The following ATPAF2 variants were observed in gnomAD, a reference collection of about 807,000 sequenced individuals.
The protein encoded by ATPAF2 is ATP synthase mitochondrial F1 complex assembly factor 2.
Under a neutral mutation model 36.6 loss-of-function variants are expected in ATPAF2, and 30 were observed. The ratio of observed to expected loss-of-function variants is 0.82; its 90% CI spans 0.61 to 1.11. The LOEUF is 1.11. Among genes scored for constraint, ATPAF2 ranks in the 50% most tolerant of loss-of-function variants. ATPAF2 has a pLI of 0.00. For synonymous variants in ATPAF2, 140 were observed against 152.6 expected (o/e 0.92, Z 0.61); for missense variants, 321 against 372.3 (o/e 0.86, Z 1.13).
chr17:18,028,570 C>CAAAAAAAAAAAAA, intron 2 of ATPAF2, 45 bp downstream of exon 2: 8 of 1,350,116 alleles, frequency 5.9e-6, no homozygotes, highest in Admixed American at 4.4e-5. Context: ...CAACCATTCA[C>CAAAAAAAAAAAAA]AAAAAAAAAA....
At chr17:18,021,401 G>T (rs1481041123) in intron 6 of ATPAF2, 163 bp from the exon 7 acceptor site, 1 of 705,212 alleles carries the variant, frequency 1.4e-6, no homozygotes, top group East Asian at 2.7e-5. Context: ...TTCCCTGGGG[G>T]TGATCCTCCT....
chr17:18,030,320 C>CAAAAA (rs1162130285), intron 1 of ATPAF2, among the ~76,000 whole-genome samples: 17 of 64,082 alleles, frequency 2.7e-4, no homozygotes, highest in Middle Eastern at 0.012. Flanking sequence ...GACTCCATCT[C>CAAAAA]AAAAAAAAAA....
At chr17:18,016,690 A>C (rs2044377648), downstream of ATPAF2, 1 of 1,537,778 alleles carries the variant, frequency 6.5e-7, no homozygotes, top group African/African-American at 1.4e-5. Flanking sequence ...CAGCCACAGG[A>C]GCTTCTTCAA....
chr17:18,021,654 C>T, intron 6 of ATPAF2, 91 bp downstream of exon 6: 1 of 1,143,454 alleles, frequency 8.7e-7, no homozygotes, highest in African/African-American at 1.5e-5. Context: ...TGCCTCTCCA[C>T]TCACAGGACC....
intron 1 of ATPAF2, among the ~76,000 whole-genome samples, chr17:18,031,670 C>T (rs965595629): frequency 1.3e-5 from 2 of 152,042 alleles, no homozygotes; most frequent in African/African-American, 4.8e-5. Context: ...GTCCCAGCTA[C>T]TTGGGAGGCT....
At chr17:18,019,822 C>A (rs1256760970) in intron 7 of ATPAF2, among the ~76,000 whole-genome samples, 1 of 152,226 alleles carries the variant, frequency 6.6e-6, no homozygotes, top group Non-Finnish European at 1.5e-5. Flanking sequence ...TCCATACTTT[C>A]ATTGTATACC....
chr17:18,021,399 G>T, intron 6 of ATPAF2, 161 bp from the exon 7 acceptor site: 1 of 708,154 alleles, frequency 1.4e-6, no homozygotes, highest in Non-Finnish European at 2.6e-6. Context: ...TCTTCCCTGG[G>T]GGTGATCCTC....
chr17:18,034,642 T>C (rs1412755951), intron 1 of ATPAF2, among the ~76,000 whole-genome samples: 1 of 152,174 alleles, frequency 6.6e-6, no homozygotes, highest in Non-Finnish European at 1.5e-5. Context: ...AAATGTGAAA[T>C]GGCACAGCCA....
At chr17:18,015,594 GAGAC>G, downstream of ATPAF2, 2 of 155,170 alleles carry the variant, frequency 1.3e-5, no homozygotes, top group Admixed American at 6.3e-5. Context: ...TGGCAGTGGA[GAGAC>G]AACTGTGGGG....
chr17:18,021,188 G>A lies in ATPAF2; in HGVS notation c.667C>T (p.Leu223=), dbSNP rs1227802220. The A allele has an allele frequency of 7.4e-6, 12 of 1,613,900 alleles. No homozygotes were observed. The highest frequency in any genetic ancestry group is 1.0e-5 in the Non-Finnish European group (12 of 1,180,022). ...QLKSMVLTLG[L]IDLRLTVEQA... The stretch of plus-strand genomic sequence containing the variant: ...TCCACTGTCAGGCGCAGGTCAATCA[G>A]GCCCAAGGTTAGCACCATGGACTTG... Residue 223 remains leucine, a synonymous_variant, in exon 7 of 8, where the codon CTG becomes TTG. Transcript: ENST00000474627.
chr17:18,019,242 G>T (rs1015329703), intron 7 of ATPAF2, among the ~76,000 whole-genome samples: 19 of 151,736 alleles, frequency 1.3e-4, no homozygotes, highest in African/African-American at 3.9e-4. Context: ...CTGTGGCATG[G>T]ATGGTCTGGA....
chr17:18,019,362 A>G (rs1373552319), intron 7 of ATPAF2, among the ~76,000 whole-genome samples: 1 of 152,232 alleles, frequency 6.6e-6, no homozygotes, highest in African/African-American at 2.4e-5. Context: ...CTTATGTGCC[A>G]TCCCTTCTCC....
Position 18,018,395 on chromosome 17 carries a change from C to A in ATPAF2, c.*154G>T. Reference sequence around the variant, plus strand: ...TCAGGCTGACCTCCGGACAGCCGTACTAGCGCACTGTGTCTCGGGGGGAAT... The same window carrying A: ...TCAGGCTGACCTCCGGACAGCCGTAATAGCGCACTGTGTCTCGGGGGGAAT... On this transcript the variant is annotated 3_prime_UTR_variant, in exon 8 of 8. Coordinates refer to ENST00000474627, the MANE Select transcript of ATPAF2 (RefSeq NM_145691.4). The A allele has an allele frequency of 9.1e-7, 1 of 1,098,418 alleles. No individual in the cohort carries two copies. The highest frequency in any genetic ancestry group is 1.3e-6 in the Non-Finnish European group (1 of 741,744). The allele number at this position is 1,098,418 out of a possible 1,614,324, so 68.0% of individuals were successfully genotyped here. A position where few individuals can be genotyped will look rare whatever the true frequency, so the allele number is the denominator to read the frequency against.
downstream of ATPAF2, among the ~76,000 whole-genome samples, chr17:18,017,497 G>A (rs967822714): frequency 1.3e-5 from 2 of 152,248 alleles, no homozygotes; most frequent in Non-Finnish European, 2.9e-5. Context: ...TGCCCACCAA[G>A]GCTGAGGTTA....
Position 18,018,658 on chromosome 17 carries a change from GC to G in ATPAF2, c.760del (p.Ala254ProfsTer34), listed in dbSNP as rs768174601. 1.2e-6 allele frequency: 2 copies of G among 1,614,078 alleles called. No individual in the cohort carries two copies. The highest frequency in any genetic ancestry group is 1.7e-6 in the Non-Finnish European group (2 of 1,180,032). The stretch of plus-strand genomic sequence containing the variant: ...CAGCTCCTGCAGCTCATAGTCATGG[GC>G]CCACTCAATGTTGCCCCACTTCTGG... ...QIQKWGNIEWAHDYELQELRA... is the reference protein window; with the variant it reads ...QIQKWGNIEWXHDYELQELRA... On this transcript the variant is annotated frameshift_variant, in exon 8 of 8. Coordinates refer to ENST00000474627, the MANE Select transcript of ATPAF2 (RefSeq NM_145691.4). LOFTEE classifies it high-confidence loss of function.
At chr17:18,020,825 C>A (rs1312193605) in intron 7 of ATPAF2, 2 of 388,548 alleles carry the variant, frequency 5.1e-6, no homozygotes, top group Non-Finnish European at 8.9e-6. Context: ...ACTACAGGTG[C>A]TAATTTTTGT....
chr17:18,025,797 AT>A (rs2044536225), intron 4 of ATPAF2, among the ~76,000 whole-genome samples: 1 of 152,162 alleles, frequency 6.6e-6, no homozygotes, highest in African/African-American at 2.4e-5. Context: ...TCATCGTGAG[AT>A]GACTCAGGAT....
Position 18,038,983 on chromosome 17 carries a change from C to A in ATPAF2, c.31G>T (p.Gly11Trp). Reference sequence around the variant, plus strand: ...GGCCGATTCAGGAGACGGCGTCCCCCGTCCCGCAGCCGGAGGCAGCTCCTC... The same window carrying A: ...GGCCGATTCAGGAGACGGCGTCCCCAGTCCCGCAGCCGGAGGCAGCTCCTC... MWRSCLRLRD[G>W]GRRLLNRPAG... is the part of the protein sequence containing the mutation. The change falls in exon 1 of 8, where the codon GGG becomes TGG. Residue 11 changes from glycine to tryptophan, a missense_variant. Around this residue, in one of 3 missense-constraint regions of ATPAF2, gnomAD observed 69 missense variants for 60.1 expected, o/e 1.15. Coordinates refer to ENST00000474627, the MANE Select transcript of ATPAF2 (RefSeq NM_145691.4). 1 of 1,611,716 alleles carries A rather than the reference C, an allele frequency of 6.2e-7. No homozygotes were observed. The highest frequency in any genetic ancestry group is 1.3e-5 in the African/African-American group (1 of 75,000).
At chr17:18,018,954 T>A (rs1174503588) in intron 7 of ATPAF2, among the ~76,000 whole-genome samples, 1 of 152,026 alleles carries the variant, frequency 6.6e-6, no homozygotes, top group East Asian at 1.9e-4. Context: ...TGGGCAAATA[T>A]GGTGCAACCT....
Sources: gnomAD v4.1 joint callset for allele counts (sites outside exome capture counted in the v4.1 genomes callset) on GRCh38, gnomAD v4.1.1 for gene constraint, gnomAD v4.1.1 regional missense constraint, MANE v1.5 for transcripts, NCBI Gene and HGNC (gene_info 2026-07-23, HGNC 2026-07-21) for gene names.